RHOU: variants seen among roughly 807,000 people sequenced by gnomAD.
RHOU encodes the protein rho-related GTP-binding protein RhoU.
Under a neutral mutation model 12.6 loss-of-function variants are expected in RHOU, and 8 were observed. That is an observed-to-expected ratio of 0.64 (90% CI 0.37 to 1.15). The LOEUF (loss-of-function observed/expected upper bound fraction) is 1.15, where lower values mean the gene tolerates loss of function less well. Among genes scored for constraint, RHOU ranks in the 50% most tolerant of loss-of-function variants. The pLI is 0.01. For missense variants in RHOU, 258 were observed against 347.0 expected (o/e 0.74, Z 2.04); for synonymous variants, 161 against 147.4 (o/e 1.09, Z -0.67).
the RHOU span, among the ~76,000 whole-genome samples, chr1:228,681,576 T>G: frequency 6.6e-6 from 1 of 152,100 alleles, no homozygotes; most frequent in African/African-American, 2.4e-5. Context: ...GTAAGGCACC[T>G]CAGACCATTT....
At chr1:228,707,119 TATATATAC>T in the RHOU span, among the ~76,000 whole-genome samples, 3,256 of 90,514 alleles carry the variant, frequency 0.036, 127 homozygotes, top group African/African-American at 0.12. Flanking sequence ...TATATATATA[TATATATAC>T]ATATATATAT....
At chr1:228,724,291 A>G in the RHOU span, among the ~76,000 whole-genome samples, 5 of 152,226 alleles carry the variant, frequency 3.3e-5, no homozygotes, top group Non-Finnish European at 7.3e-5. Flanking sequence ...GGGTAAACCC[A>G]TAGTGGCTTG....
the RHOU span, among the ~76,000 whole-genome samples, chr1:228,681,655 A>T: frequency 6.6e-6 from 1 of 152,114 alleles, no homozygotes; most frequent in South Asian, 2.1e-4. Flanking sequence ...TTTTCTGGCC[A>T]TTTAGAACCA....
the RHOU span, among the ~76,000 whole-genome samples, chr1:228,659,026 C>T: frequency 6.6e-6 from 1 of 152,208 alleles, no homozygotes. Flanking sequence ...CTTTGGGATA[C>T]AGTAAAAGCA....
the RHOU span, among the ~76,000 whole-genome samples, chr1:228,726,073 C>G: frequency 6.6e-6 from 1 of 152,126 alleles, no homozygotes; most frequent in African/African-American, 2.4e-5. Flanking sequence ...TTTCTTCTCT[C>G]TTTTTTTCTC....
At chr1:228,689,001 A>G in the RHOU span, among the ~76,000 whole-genome samples, 1 of 152,178 alleles carries the variant, frequency 6.6e-6, no homozygotes, top group African/African-American at 2.4e-5. Context: ...GGGAGACAGA[A>G]TGGACAGTAA....
the RHOU span, among the ~76,000 whole-genome samples, chr1:228,693,950 GACTTT>G: frequency 1.0e-3 from 158 of 152,272 alleles, no homozygotes; most frequent in African/African-American, 3.8e-3. Flanking sequence ...TCAAAGATTT[GACTTT>G]TATAGAGATT....
chr1:228,678,826 G>A, the RHOU span, among the ~76,000 whole-genome samples: 2 of 152,112 alleles, frequency 1.3e-5, no homozygotes, highest in South Asian at 2.1e-4. Flanking sequence ...AGAGTGAGTT[G>A]AGCATAGTTT....
the RHOU span, among the ~76,000 whole-genome samples, chr1:228,664,838 T>A: frequency 6.6e-6 from 1 of 152,150 alleles, no homozygotes; most frequent in Admixed American, 6.5e-5. Flanking sequence ...TTCACCATGT[T>A]GGCCATTTTG....
the RHOU span, among the ~76,000 whole-genome samples, chr1:228,721,238 G>T: frequency 6.6e-6 from 1 of 152,140 alleles, no homozygotes; most frequent in Admixed American, 6.5e-5. Flanking sequence ...GGAGGCGAAG[G>T]TTGCAGTGAG....
the RHOU span, among the ~76,000 whole-genome samples, chr1:228,678,735 G>C: frequency 1.3e-5 from 2 of 152,166 alleles, no homozygotes; most frequent in South Asian, 4.1e-4. Flanking sequence ...TTGGCTTGCT[G>C]AGAGGTAGTG....
chr1:228,667,612 TC>T, the RHOU span, among the ~76,000 whole-genome samples: 1 of 152,172 alleles, frequency 6.6e-6, no homozygotes, highest in African/African-American at 2.4e-5. Flanking sequence ...CATTTATCCC[TC>T]CATGTTGGAC....
the RHOU span, among the ~76,000 whole-genome samples, chr1:228,719,467 C>T: frequency 2.0e-5 from 3 of 152,284 alleles, no homozygotes; most frequent in Admixed American, 6.5e-5. Context: ...TGGTGGCTCA[C>T]GCCTGTAGTC....
chr1:228,690,183 G>GTTTT, the RHOU span, among the ~76,000 whole-genome samples: 1 of 148,170 alleles, frequency 6.7e-6, no homozygotes, highest in African/African-American at 2.5e-5. Flanking sequence ...TTGTTTGTTT[G>GTTTT]TTTTTGTTTT....
At chr1:228,714,441 G>A in the RHOU span, among the ~76,000 whole-genome samples, 8 of 152,054 alleles carry the variant, frequency 5.3e-5, no homozygotes, top group Non-Finnish European at 7.4e-5. Context: ...AAATGATCTA[G>A]GTCTCGTGCA....
the RHOU span, among the ~76,000 whole-genome samples, chr1:228,655,878 T>G: frequency 6.6e-6 from 1 of 152,208 alleles, no homozygotes; most frequent in Non-Finnish European, 1.5e-5. Context: ...CATACAAGTA[T>G]GCCTAATGAT....
At chr1:228,693,553 G>A in the RHOU span, among the ~76,000 whole-genome samples, 1 of 152,036 alleles carries the variant, frequency 6.6e-6, no homozygotes, top group African/African-American at 2.4e-5. Flanking sequence ...TGCAACCTCT[G>A]CCTCCCGGGT....
chr1:228,707,262 G>A, the RHOU span, among the ~76,000 whole-genome samples: 256 of 75,380 alleles, frequency 3.4e-3, 1 homozygote, highest in African/African-American at 0.026. Context: ...TATAGTGTGT[G>A]TGTGTGTGTG....
chr1:228,682,083 T>C, the RHOU span, among the ~76,000 whole-genome samples: 1 of 152,096 alleles, frequency 6.6e-6, no homozygotes, highest in Non-Finnish European at 1.5e-5. Flanking sequence ...GCGCCAGAGT[T>C]TTGGGTCCAT....
Sources: allele counts gnomAD v4.1 joint callset (sites outside exome capture counted in the v4.1 genomes callset), GRCh38; gene constraint gnomAD v4.1.1; transcripts MANE v1.5; gene names NCBI Gene and HGNC (gene_info 2026-07-23, HGNC 2026-07-21).